EEF2K: variants seen among roughly 807,000 people sequenced by gnomAD.
EEF2K encodes alternative protein EEF2K.
EEF2K carries 70 observed loss-of-function variants against 93.8 expected under a neutral mutation model. The ratio of observed to expected loss-of-function variants is 0.75; its 90% CI spans 0.62 to 0.91. EEF2K has a LOEUF of 0.91. EEF2K is among the 40% of genes least tolerant of loss of function. The pLI is 0.00. For synonymous variants in EEF2K, 376 were observed against 380.8 expected, an observed-to-expected ratio of 0.99 and a Z score of 0.15; for missense variants, 935 against 972.9, an observed-to-expected ratio of 0.96 and a Z score of 0.52.
At chr16:22,222,826 T>C (rs2047027605) in intron 1 of EEF2K, among the ~76,000 whole-genome samples, 1 of 151,496 alleles carries the variant, frequency 6.6e-6, no homozygotes, top group Admixed American at 6.6e-5. Flanking sequence ...GAGGTTACAG[T>C]GAGCCGAGAT....
At chr16:22,263,000 A>T in intron 11 of EEF2K, 110 bp from the exon 12 acceptor site, 1 of 912,154 alleles carries the variant, frequency 1.1e-6, no homozygotes, top group Non-Finnish European at 1.6e-6. Flanking sequence ...GCAGGGTGTT[A>T]GGTAATGGGA....
At chr16:22,247,064 A>G (rs1231005202) in intron 3 of EEF2K, among the ~76,000 whole-genome samples, 2 of 149,144 alleles carry the variant, frequency 1.3e-5, no homozygotes, top group African/African-American at 4.9e-5. Flanking sequence ...AAAAAAAAAA[A>G]AAAGAAACTA....
chr16:22,266,310 G>A, intron 13 of EEF2K, 80 bp from the exon 14 acceptor site: 4 of 1,535,016 alleles, frequency 2.6e-6, no homozygotes, highest in Non-Finnish European at 3.5e-6. Context: ...CCAGGCTCCT[G>A]TGTAGTAGGG....
intron 15 of EEF2K, among the ~76,000 whole-genome samples, chr16:22,270,259 C>T (rs2047565256): frequency 6.6e-6 from 1 of 151,946 alleles, no homozygotes; most frequent in Non-Finnish European, 1.5e-5. Context: ...GCTGGTTTTA[C>T]AGGCACCTGC....
Position 22,244,745 on chromosome 16 carries a change from T to G in EEF2K, c.347+15T>G. On this transcript the variant is annotated intron_variant, in intron 3 of 17. Coordinates refer to ENST00000263026, the MANE Select transcript of EEF2K (RefSeq NM_013302.5). ...ACTCGACACAGGTCAGCAGCTTGTG[T>G]GGGGTCTCGAGGAGTCCTGGGGGCT... 6.2e-7 allele frequency: 1 copy of G among 1,613,554 alleles called. No individual in the cohort carries two copies.
At chr16:22,247,589 A>G (rs1332977848) in intron 3 of EEF2K, among the ~76,000 whole-genome samples, 1 of 152,178 alleles carries the variant, frequency 6.6e-6, no homozygotes, top group Non-Finnish European at 1.5e-5. Flanking sequence ...GTGGCCAAGA[A>G]GAATCGCAAC....
In EEF2K at chr16:22,287,108, C is replaced by T. The variant is rs1308682762; in HGVS notation, c.*3112C>T. ...CTAGTTTGGGCTGGGTGCAGTGGCT[C>T]ACGCCACTTTGGGAGGCTGAGGTGG... On this transcript the variant is annotated 3_prime_UTR_variant, in exon 18 of 18. Coordinates refer to ENST00000263026, the MANE Select transcript of EEF2K (RefSeq NM_013302.5). 2 of 152,276 alleles carry T rather than the reference C, an allele frequency of 1.3e-5. No homozygotes were observed. 9.4% of individuals were successfully genotyped at this position (152,276 alleles called of 1,614,324 possible). A position where few individuals can be genotyped will look rare whatever the true frequency, so the allele number is the denominator to read the frequency against.
intron 1 of EEF2K, among the ~76,000 whole-genome samples, chr16:22,219,795 G>T (rs2046994264): frequency 6.6e-6 from 1 of 152,180 alleles, no homozygotes; most frequent in Non-Finnish European, 1.5e-5. Flanking sequence ...GGATTGTTAT[G>T]CTGTCCCATG....
intron 1 of EEF2K, among the ~76,000 whole-genome samples, chr16:22,215,070 C>T (rs1598160111): frequency 6.6e-6 from 1 of 152,232 alleles, no homozygotes; most frequent in East Asian, 1.9e-4. Flanking sequence ...TGCGACCAAT[C>T]AGAGGCTGAA....
Position 22,286,736 on chromosome 16 carries a change from TC to T in EEF2K, c.*2744del. 1 of 152,326 alleles carries T rather than the reference TC, an allele frequency of 6.6e-6. No individual in the cohort carries two copies. Among genetic ancestry groups the T allele is most frequent in the Non-Finnish European group, 1.5e-5 (1 of 68,052 alleles). 9.4% of individuals were successfully genotyped at this position (152,326 alleles called of 1,614,324 possible). On this transcript the variant is annotated 3_prime_UTR_variant, in exon 18 of 18. Coordinates refer to ENST00000263026, the MANE Select transcript of EEF2K (RefSeq NM_013302.5). ...GGCAGGAGCTATCCCAATTTTGTGT[TC>T]CCCAGGGCACCAAAACACAGTGCTT...
chr16:22,222,681 A>G (rs2142104575), intron 1 of EEF2K, among the ~76,000 whole-genome samples: 1 of 146,640 alleles, frequency 6.8e-6, no homozygotes, highest in South Asian at 2.2e-4. Flanking sequence ...CAGCCTGGCC[A>G]ACATGGTGAA....
chr16:22,254,651 T>C (rs1346394607), intron 6 of EEF2K, among the ~76,000 whole-genome samples: 8 of 152,126 alleles, frequency 5.3e-5, no homozygotes, highest in Non-Finnish European at 1.2e-4. Flanking sequence ...AAATTAAACA[T>C]AGACTTTATA....
intron 5 of EEF2K, 103 bp from the exon 6 acceptor site, chr16:22,251,048 A>T: frequency 7.0e-7 from 1 of 1,437,548 alleles, no homozygotes; most frequent in South Asian, 1.4e-5. Flanking sequence ...GCTGCCAGCC[A>T]CCCAGCCACA....
In EEF2K at chr16:22,258,688, C is replaced by A. The variant is rs773044439; in HGVS notation, c.1224C>A (p.Asp408Glu). 4 of 1,614,032 alleles carry A rather than the reference C, an allele frequency of 2.5e-6. No homozygotes were observed. The Admixed American group carries it at 6.7e-5, about 27-fold the overall frequency. ...CCACACCACACAGCCAGAAGCTAGA[C>A]CACCTCCGTGAGTGACGGTTCGGTC... The part of the protein sequence containing the change: ...SSATPHSQKL[D>E]HLHWPVFSDL... Residue 408 changes from aspartate to glutamate, a missense_variant, in exon 10 of 18, where the codon GAC becomes GAA. Asp to Glu is a conservative substitution (Grantham distance 45). Transcript: ENST00000263026.
At chr16:22,250,264 A>G (rs1378891348) in intron 4 of EEF2K, among the ~76,000 whole-genome samples, 4 of 152,040 alleles carry the variant, frequency 2.6e-5, no homozygotes, top group African/African-American at 9.7e-5. Context: ...GCTGCATGGT[A>G]TTTCATTGAA....
At chr16:22,261,795 A>C (rs1338670776) in intron 11 of EEF2K, among the ~76,000 whole-genome samples, 1 of 151,980 alleles carries the variant, frequency 6.6e-6, no homozygotes, top group African/African-American at 2.4e-5. Flanking sequence ...ACTTGAGGCC[A>C]GGAGTTTAAG....
chr16:22,263,941 C>G (rs1259942626), intron 12 of EEF2K, among the ~76,000 whole-genome samples: 1 of 152,174 alleles, frequency 6.6e-6, no homozygotes, highest in African/African-American at 2.4e-5. Context: ...GAAATGGAGC[C>G]TGCACATCAA....
intron 1 of EEF2K, among the ~76,000 whole-genome samples, chr16:22,212,265 C>T (rs988113893): frequency 3.3e-5 from 5 of 151,964 alleles, no homozygotes; most frequent in East Asian, 3.8e-4. Flanking sequence ...CAAATGATGA[C>T]GTATCTCTGG....
In EEF2K at chr16:22,272,958, G is replaced by A. The variant is rs148129633; in HGVS notation, c.1765-668G>A. On this transcript the variant is annotated intron_variant, in intron 15 of 17. Coordinates refer to ENST00000263026, the MANE Select transcript of EEF2K (RefSeq NM_013302.5). Reference sequence around the variant, plus strand: ...CCCAGAGTGCTGGGATTACAGGCATGAGCCACCCAGCCCAGCTGTGATGTG... The same window carrying A: ...CCCAGAGTGCTGGGATTACAGGCATAAGCCACCCAGCCCAGCTGTGATGTG... Among the ~76,000 whole-genome samples, 727 of 152,312 alleles carry A rather than the reference G, an allele frequency of 4.8e-3. 7 individuals carry two copies. The highest frequency in any genetic ancestry group is 0.017 in the African/African-American group (698 of 41,568).
Sources: gnomAD v4.1 joint callset for allele counts (sites outside exome capture counted in the v4.1 genomes callset) on GRCh38, gnomAD v4.1.1 for gene constraint, MANE v1.5 for transcripts, NCBI Gene and HGNC (gene_info 2026-07-23, HGNC 2026-07-21) for gene names.